Variants in ZHX1 observed in about 807,000 individuals in gnomAD.
ZHX1 encodes zinc fingers and homeoboxes 1, also known as zinc fingers and homeoboxes protein 1.
In ZHX1, 20 loss-of-function variants were observed where a neutral mutation model predicts 61.8. That is an observed-to-expected ratio of 0.32 (90% CI 0.23 to 0.47). The LOEUF (loss-of-function observed/expected upper bound fraction) is 0.47. Ranked by LOEUF, ZHX1 falls within the 20% of genes least tolerant of loss-of-function variation. The pLI is 1.00. For missense variants in ZHX1, 800 were observed against 1,034.8 expected (o/e 0.77, Z 3.11); for synonymous variants, 318 against 352.6 (o/e 0.90, Z 1.10).
At chr8:123,270,775 G>A (rs1251926683) in intron 1 of ZHX1, among the ~76,000 whole-genome samples, 3 of 138,654 alleles carry the variant, frequency 2.2e-5, no homozygotes, top group African/African-American at 5.5e-5. Flanking sequence ...CACAGAATGA[G>A]ACCCCGTCTC....
chr8:123,273,533 A>G (rs987640541), intron 1 of ZHX1, among the ~76,000 whole-genome samples: 27 of 152,078 alleles, frequency 1.8e-4, no homozygotes, highest in African/African-American at 6.0e-4. Flanking sequence ...TAAGGACTCA[A>G]CTCCCAGTCT....
intron 1 of ZHX1, 142 bp from the exon 2 acceptor site, chr8:123,267,528 C>G (rs1461589044): frequency 5.3e-6 from 2 of 379,770 alleles, no homozygotes; most frequent in African/African-American, 4.1e-5. Flanking sequence ...TTTAAAAGAA[C>G]CATTTAAATA....
At chr8:123,265,243 T>C (rs1207295209) in intron 2 of ZHX1, among the ~76,000 whole-genome samples, 2 of 151,396 alleles carry the variant, frequency 1.3e-5, no homozygotes, top group Non-Finnish European at 2.9e-5. Flanking sequence ...AGGGATCATG[T>C]TAATTTTGAT....
intron 2 of ZHX1, among the ~76,000 whole-genome samples, chr8:123,260,727 T>C (rs1002847124): frequency 6.6e-6 from 1 of 152,052 alleles, no homozygotes; most frequent in Non-Finnish European, 1.5e-5. Flanking sequence ...TGAAAACTCA[T>C]CTTGAGAGGA....
rs148686099 is a variant in ZHX1 at position 123,255,488 on chromosome 8, A to G, written c.459T>C (p.Phe153=). ...IFEQTINDLT[F]DGSFVKEENA... ...TCTCCTCTTTAACAAAACTACCATCAAAAGTCAGATCATTTATTGTTTGTT... is the reference window on the plus strand; with the variant it reads ...TCTCCTCTTTAACAAAACTACCATCGAAAGTCAGATCATTTATTGTTTGTT... Residue 153 remains phenylalanine, a synonymous_variant, in exon 3 of 4, where the codon TTT becomes TTC. Transcript: ENST00000395571. The G allele has an allele frequency of 6.2e-6, 10 of 1,613,598 alleles. No individual in the cohort carries two copies. The African/African-American group carries it at 1.3e-4, about 21-fold the overall frequency.
intron 1 of ZHX1, chr8:123,273,763 C>G (rs889195335): frequency 6.6e-6 from 1 of 152,572 alleles, no homozygotes; most frequent in Non-Finnish European, 1.5e-5. Context: ...CTCTAGGACT[C>G]CCAACATTAC....
In ZHX1 at chr8:123,255,688, A is replaced by G. The variant is rs1331796326; in HGVS notation, c.259T>C (p.Phe87Leu). The G allele has an allele frequency of 6.2e-7, 1 of 1,613,942 alleles. No individual in the cohort carries two copies. The highest frequency in any genetic ancestry group is 8.5e-7 in the Non-Finnish European group (1 of 1,179,968). ...TTGGGATGTTCCGAATCCACATGAA[A>G]AGTAAACATATTTAGATCTGGAGTT... ...FQTPDLNMFT[F>L]HVDSEHPNVV... is the part of the protein sequence containing the mutation. Residue 87 changes from phenylalanine to leucine, a missense_variant, in exon 3 of 4, where the codon TTT becomes CTT. Phe to Leu is a conservative substitution (Grantham distance 22). Transcript: ENST00000395571.
In ZHX1 at chr8:123,267,321, C is replaced by T; in HGVS notation, c.-274G>A. 6.6e-7 allele frequency: 1 copy of T among 1,525,648 alleles called. No individual in the cohort carries two copies. The highest frequency in any genetic ancestry group is 8.8e-7 in the Non-Finnish European group (1 of 1,139,974). 94.5% of individuals were successfully genotyped at this position (1,525,648 alleles called of 1,614,324 possible). On this transcript the variant is annotated 5_prime_UTR_variant, in exon 2 of 4. Coordinates refer to ENST00000395571, the MANE Select transcript of ZHX1 (RefSeq NM_007222.5). ...TGTTCTTTGAAATGGAAGGGTATCC[C>T]TTCTAGTTAGATGTTTAGCTCAGGC...
At chr8:123,274,391 T>C (rs1826773538), upstream of ZHX1, 2 of 151,442 alleles carry the variant, frequency 1.3e-5, no homozygotes, top group Admixed American at 6.6e-5. Flanking sequence ...GGACTCAGGG[T>C]GGGGGTGCGA....
chr8:123,255,907 G>A lies in ZHX1; in HGVS notation c.40C>T (p.Leu14Phe), dbSNP rs753435018. Residue 14 changes from leucine to phenylalanine, a missense_variant, in exon 3 of 4, where the codon CTT becomes TTT. By Grantham distance (22) the Leu-to-Phe change is conservative (BLOSUM62 0). Transcript: ENST00000395571. Reference protein sequence around the residue: ...RRKSTTPCMVLASEQDPDLEL... With the variant: ...RRKSTTPCMVFASEQDPDLEL... The stretch of plus-strand genomic sequence containing the variant: ...AGGTCTGGATCTTGTTCACTGGCAA[G>A]GACCATGCAAGGTGTTGTTGATTTT... The A allele has an allele frequency of 4.3e-6, 7 of 1,612,736 alleles. No homozygotes were observed. The Admixed American group carries it at 5.0e-5, about 12-fold the overall frequency.
At chr8:123,250,813 G>T (rs924852753) in intron 3 of ZHX1, among the ~76,000 whole-genome samples, 1 of 152,122 alleles carries the variant, frequency 6.6e-6, no homozygotes, top group Non-Finnish European at 1.5e-5. Flanking sequence ...CTCAGCCAAG[G>T]ATAACTTGAT....
At chr8:123,260,229 T>C (rs1826204887) in intron 2 of ZHX1, among the ~76,000 whole-genome samples, 1 of 152,062 alleles carries the variant, frequency 6.6e-6, no homozygotes, top group South Asian at 2.1e-4. Flanking sequence ...GCTAAACTAC[T>C]CTCTGACCAA....
chr8:123,256,175 C>A lies in ZHX1; in HGVS notation c.-225-4G>T. The A allele has an allele frequency of 2.5e-6, 1 of 396,458 alleles. No individual in the cohort carries two copies. Among genetic ancestry groups the A allele is most frequent in the Admixed American group, 4.4e-5 (1 of 22,866 alleles). The allele number at this position is 396,458 out of a possible 1,614,324, so 24.6% of individuals were successfully genotyped here. On this transcript the variant is annotated splice_region_variant and splice_polypyrimidine_tract_variant and intron_variant, in intron 2 of 3. Transcript: ENST00000395571. ...TTTGAAGCACAACTCCAATCACCTA[C>A]ATTAAAATAAATTTTAAAATGTTTT...
In ZHX1 at chr8:123,249,847, T is replaced by TTG. The variant is rs991779508; in HGVS notation, c.*476_*477insCA. ...TAGTAATAAATCAGGGTTTTTTTTT[T>TTG]TTTTTTTTTTTTACCCATTTCTAAC... On this transcript the variant is annotated 3_prime_UTR_variant, in exon 4 of 4. Transcript: ENST00000395571. The TTG allele has an allele frequency of 2.7e-5, 4 of 145,562 alleles. No individual in the cohort carries two copies. Among genetic ancestry groups the TTG allele is most frequent in the African/African-American group, 1.1e-4 (4 of 35,396 alleles). 9.0% of individuals were successfully genotyped at this position (145,562 alleles called of 1,614,324 possible).
At chr8:123,268,242 G>C (rs1644363143) in intron 1 of ZHX1, among the ~76,000 whole-genome samples, 1 of 152,160 alleles carries the variant, frequency 6.6e-6, no homozygotes. Flanking sequence ...CAAAATGACT[G>C]GTGTTTAGCC....
chr8:123,260,218 G>A (rs2131203212), intron 2 of ZHX1, among the ~76,000 whole-genome samples: 1 of 152,144 alleles, frequency 6.6e-6, no homozygotes, highest in Middle Eastern at 3.4e-3. Context: ...AGGAGGCAGA[G>A]GCTAAACTAC....
chr8:123,260,210 G>C (rs1027645362), intron 2 of ZHX1, among the ~76,000 whole-genome samples: 11 of 152,112 alleles, frequency 7.2e-5, no homozygotes, highest in African/African-American at 2.2e-4. Context: ...CTGGTTGGAG[G>C]AGGCAGAGGC....
At position 123,255,740 on chromosome 8, in the gene ZHX1, T is replaced by A; in HGVS notation, c.207A>T (p.Gly69=). ...GAAAAGTACAATATTTACATTCATA[T>A]CCACCTTCAACTTTTTTATTTTGCT... is the stretch of plus-strand genomic sequence containing the variant. ...DNQQNKKVEG[G]YECKYCTFQT... Residue 69 remains glycine, a synonymous_variant, in exon 3 of 4, where the codon GGA becomes GGT. Transcript: ENST00000395571. The A allele has an allele frequency of 1.2e-6, 2 of 1,613,898 alleles. No individual in the cohort carries two copies.
chr8:123,262,233 G>A (rs1391173425), intron 2 of ZHX1, among the ~76,000 whole-genome samples: 2 of 152,090 alleles, frequency 1.3e-5, no homozygotes, highest in Admixed American at 6.5e-5. Flanking sequence ...TTTTCAGTAC[G>A]GGAAGTGTTT....
Sources: gnomAD v4.1 joint callset for allele counts (sites outside exome capture counted in the v4.1 genomes callset) on GRCh38, gnomAD v4.1.1 for gene constraint, MANE v1.5 for transcripts, NCBI Gene and HGNC (gene_info 2026-07-23, HGNC 2026-07-21) for gene names.